The following DNPEP variants were observed in gnomAD, a reference collection of about 807,000 sequenced individuals.
DNPEP encodes the protein aspartyl aminopeptidase.
Under a neutral mutation model 59.1 loss-of-function variants are expected in DNPEP, and 46 were observed. The ratio of observed to expected loss-of-function variants is 0.78; its 90% CI spans 0.61 to 0.99. The LOEUF (loss-of-function observed/expected upper bound fraction) is 0.99. DNPEP is among the 50% of genes least tolerant of loss of function. The pLI, the probability that DNPEP is intolerant of heterozygous loss-of-function variation, is 0.00. For synonymous variants in DNPEP, 229 were observed against 242.2 expected, an observed-to-expected ratio of 0.95 and a Z score of 0.50; for missense variants, 617 against 649.9, an observed-to-expected ratio of 0.95 and a Z score of 0.55.
intron 13 of DNPEP, among the ~76,000 whole-genome samples, chr2:219,379,357 C>T (rs903383388): frequency 2.6e-5 from 4 of 152,182 alleles, no homozygotes; most frequent in African/African-American, 7.2e-5. Context: ...CCCTGAAGAC[C>T]TTCCAGTGAG....
chr2:219,383,814 C>T (rs1294896320), intron 9 of DNPEP, among the ~76,000 whole-genome samples: 1 of 151,998 alleles, frequency 6.6e-6, no homozygotes, highest in East Asian at 1.9e-4. Flanking sequence ...TCTCCAGCCA[C>T]AGGATTACAG....
intron 1 of DNPEP, among the ~76,000 whole-genome samples, chr2:219,395,187 A>G (rs923244800): frequency 5.3e-5 from 8 of 152,116 alleles, no homozygotes; most frequent in Admixed American, 1.3e-4. Context: ...ACCTCAAGCA[A>G]TCTGCCCTCC....
intron 1 of DNPEP, 179 bp downstream of exon 1, chr2:219,387,580 T>C (rs1953905016): frequency 7.9e-6 from 12 of 1,510,898 alleles, no homozygotes; most frequent in Non-Finnish European, 1.1e-5. Flanking sequence ...ACCCACCTAG[T>C]CTCTCGCAGG....
chr2:219,396,571 G>C (rs1242652653), intron 1 of DNPEP, among the ~76,000 whole-genome samples: 3 of 151,510 alleles, frequency 2.0e-5, no homozygotes, highest in African/African-American at 4.9e-5. Context: ...CTGGGCAACA[G>C]AGCAAGACTC....
intron 9 of DNPEP, 140 bp from the exon 10 acceptor site, chr2:219,383,354 A>G (rs746854535): frequency 2.0e-4 from 140 of 692,836 alleles, no homozygotes; most frequent in Non-Finnish European, 3.2e-4. Flanking sequence ...TTCCATGGCC[A>G]TGACTTTTAT....
chr2:219,384,498 T>G lies in DNPEP; in HGVS notation c.775-55A>C, dbSNP rs1953727963. 2.0e-6 allele frequency: 3 copies of G among 1,484,544 alleles called. No individual in the cohort carries two copies. The South Asian group carries it at 3.6e-5, about 18-fold the overall frequency. The allele number at this position is 1,484,544 out of a possible 1,614,324, so 92.0% of individuals were successfully genotyped here. A position where few individuals can be genotyped will look rare whatever the true frequency, so the allele number is the denominator to read the frequency against. On this transcript the variant is annotated intron_variant, in intron 8 of 14. Coordinates refer to ENST00000273075, the MANE Select transcript of DNPEP (RefSeq NM_012100.4). The stretch of plus-strand genomic sequence containing the variant: ...TCAACCCTCCACCCCCACTCACCTT[T>G]CTTTTGCTCCCAAGGGTCTCCTTGG...
At chr2:219,387,043 T>A (rs1468561228) in intron 2 of DNPEP, 27 bp downstream of exon 2, 1 of 1,611,408 alleles carries the variant, frequency 6.2e-7, no homozygotes, top group African/African-American at 1.3e-5. Context: ...GCCTCCACCC[T>A]CCTCCCTTGC....
At chr2:219,382,680 C>T (rs905167800) in intron 10 of DNPEP, among the ~76,000 whole-genome samples, 3 of 152,188 alleles carry the variant, frequency 2.0e-5, no homozygotes, top group South Asian at 2.1e-4. Context: ...AGAGCTGGAA[C>T]GGCCACCCTG....
In DNPEP at chr2:219,373,353, C is replaced by T. The variant is rs1953251973; in HGVS notation, c.*939G>A. 6.6e-6 allele frequency among the ~76,000 whole-genome samples: 1 copy of T among 151,986 alleles called. No homozygotes were observed. Among genetic ancestry groups the T allele is most frequent in the Admixed American group, 6.6e-5 (1 of 15,242 alleles). On this transcript the variant is annotated 3_prime_UTR_variant, in exon 15 of 15. Transcript: ENST00000273075. The stretch of plus-strand genomic sequence containing the variant: ...AAAGTGCTGGGACTACAGGCATGAC[C>T]CATCACGCCTGGCCTTTTTTCTCTG...
chr2:219,375,290 T>G (rs1953326065), intron 13 of DNPEP, among the ~76,000 whole-genome samples: 1 of 152,168 alleles, frequency 6.6e-6, no homozygotes, highest in Non-Finnish European at 1.5e-5. Flanking sequence ...CTTGTCACCC[T>G]CTTGCTTAAT....
intron 14 of DNPEP, 128 bp downstream of exon 14, chr2:219,374,727 C>CCA: frequency 6.1e-6 from 7 of 1,143,872 alleles, no homozygotes; most frequent in Middle Eastern, 3.0e-4. Context: ...CTACATGGCC[C>CCA]CAGCATGACA....
At chr2:219,387,915 CGGCCGCGCCGCCCCGCCCCATGTTT>C (rs1396271457), upstream of DNPEP, 3,124 of 1,377,952 alleles carry the variant, frequency 2.3e-3, 65 homozygotes, top group African/African-American at 0.043. Context: ...CACGCTTCCC[CGGCCGCGCCGCCCCGCCCCATGTTT>C]GGCCTCCCCG....
chr2:219,390,817 C>T (rs193103578), upstream of DNPEP, among the ~76,000 whole-genome samples: 56 of 151,688 alleles, frequency 3.7e-4, 1 homozygote, highest in African/African-American at 1.3e-3. Context: ...GCAACAAGTG[C>T]GAGACTCCAA....
chr2:219,386,340 G>C lies in DNPEP; in HGVS notation c.405C>G (p.Ile135Met), dbSNP rs569835348. Residue 135 changes from isoleucine to methionine, a missense_variant, in exon 5 of 15, where the codon ATC becomes ATG. Physicochemically the swap from Ile to Met is conservative, Grantham distance 10. Coordinates refer to ENST00000273075, the MANE Select transcript of DNPEP (RefSeq NM_012100.4). ...GGTCACGGTCAAACCAGGTGCTCCA[G>C]ATCCCACCACCATAGGTCTCCACAC... The part of the protein sequence containing the change: ...QVGVETYGGG[I>M]WSTWFDRDLT... 6.2e-7 allele frequency: 1 copy of C among 1,614,174 alleles called. No individual in the cohort carries two copies. Among genetic ancestry groups the C allele is most frequent in the East Asian group, 2.2e-5 (1 of 44,878 alleles).
chr2:219,386,560 C>A (rs1953846225), intron 4 of DNPEP, 105 bp downstream of exon 4: 2 of 1,443,202 alleles, frequency 1.4e-6, no homozygotes, highest in East Asian at 2.3e-5. Context: ...TTACCTTCTC[C>A]CTTACTCCAG....
chr2:219,386,144 G>C lies in DNPEP; in HGVS notation c.460-46C>G, dbSNP rs777126332. The C allele has an allele frequency of 4.3e-6, 7 of 1,609,938 alleles. No individual in the cohort carries two copies. The African/African-American group carries it at 9.4e-5, about 22-fold the overall frequency. ...TCAGCCCAGGGTGCCTCCTACCCCA[G>C]TGGTCAGTCTTTACTTCACTCAGAC... On this transcript the variant is annotated intron_variant, in intron 5 of 14. Coordinates refer to ENST00000273075, the MANE Select transcript of DNPEP (RefSeq NM_012100.4).
chr2:219,386,927 C>G lies in DNPEP; in HGVS notation c.184G>C (p.Glu62Gln), dbSNP rs1953868559. ...GGCTTAATATTCCATTTCTCAGTCT[C>G]CTTGAGTTCACTGAAGCCAGCCTGG... ...LLQAGFSELKETEKWNIKPES... is the reference protein window; with the variant it reads ...LLQAGFSELKQTEKWNIKPES... Residue 62 changes from glutamate (E) to glutamine (Q), a missense_variant, in exon 3 of 15, where the codon GAG (glutamate) becomes CAG (glutamine). Glu to Gln is a conservative substitution (Grantham distance 29). Coordinates refer to ENST00000273075, the MANE Select transcript of DNPEP (RefSeq NM_012100.4). 1 of 1,610,582 alleles carries G rather than the reference C, an allele frequency of 6.2e-7. No individual in the cohort carries two copies. The highest frequency in any genetic ancestry group is 8.5e-7 in the Non-Finnish European group (1 of 1,178,006).
At chr2:219,385,731 G>C (rs193041992) in intron 6 of DNPEP, 25 bp from the exon 7 acceptor site, 55 of 1,577,678 alleles carry the variant, frequency 3.5e-5, no homozygotes, top group Non-Finnish European at 4.6e-5. Context: ...GGGTTGTGGG[G>C]GGATTGCGAG....
chr2:219,380,409 A>G lies in DNPEP; in HGVS notation c.1239+926T>C, dbSNP rs572299858. 2.6e-5 allele frequency among the ~76,000 whole-genome samples: 4 copies of G among 151,790 alleles called. No homozygotes were observed. The East Asian group carries it at 7.7e-4, about 29-fold the overall frequency. Reference sequence around the variant, plus strand: ...CCTAATTTTTGTATTTTTTGGTAGGATGGGGTTTCACCATGTTGGCCAGGC... The same window carrying G: ...CCTAATTTTTGTATTTTTTGGTAGGGTGGGGTTTCACCATGTTGGCCAGGC... On this transcript the variant is annotated intron_variant, in intron 13 of 14. Coordinates refer to ENST00000273075, the MANE Select transcript of DNPEP (RefSeq NM_012100.4).
Sources: allele counts gnomAD v4.1 joint callset (sites outside exome capture counted in the v4.1 genomes callset), GRCh38; gene constraint gnomAD v4.1.1; transcripts MANE v1.5; gene names NCBI Gene and HGNC (gene_info 2026-07-23, HGNC 2026-07-21).